The following TIAL1 variants were observed in gnomAD, a reference collection of about 807,000 sequenced individuals.
TIAL1 encodes TIA1 cytotoxic granule associated RNA binding protein like 1, also known as nucleolysin TIAR.
A neutral mutation model predicts 59.7 loss-of-function variants in TIAL1; 7 were observed. The ratio of observed to expected loss-of-function variants is 0.12; its 90% CI spans 0.07 to 0.22. TIAL1 has a LOEUF of 0.22. TIAL1 is among the 10% of genes least tolerant of loss of function. TIAL1 has a pLI of 1.00. For missense variants in TIAL1, 225 were observed against 462.5 expected, an observed-to-expected ratio of 0.49 and a Z score of 4.71; for synonymous variants, 149 against 146.3, an observed-to-expected ratio of 1.02 and a Z score of -0.13.
At chr10:119,591,177 G>A (rs1479464639) in intron 1 of TIAL1, among the ~76,000 whole-genome samples, 1 of 152,068 alleles carries the variant, frequency 6.6e-6, no homozygotes, top group African/African-American at 2.4e-5. Context: ...GCCGAGGCAG[G>A]TGGATCACTT....
At position 119,578,640 on chromosome 10, in the gene TIAL1, T is replaced by C; in HGVS notation, c.556+86A>G. The C allele has an allele frequency of 9.1e-6, 11 of 1,209,266 alleles. No individual in the cohort carries two copies. The South Asian group carries it at 1.2e-4, about 14-fold the overall frequency. 74.9% of individuals were successfully genotyped at this position (1,209,266 alleles called of 1,614,324 possible). ...AGCAAGACCCTGTCTCTTACATAAA[T>C]AAATTAGAAATTGAGACTAGATGAA... is the stretch of plus-strand genomic sequence containing the variant. On this transcript the variant is annotated intron_variant, in intron 7 of 11. Transcript: ENST00000436547.
At chr10:119,579,793 AT>A in intron 6 of TIAL1, 141 bp downstream of exon 6, 2 of 573,990 alleles carry the variant, frequency 3.5e-6, no homozygotes, top group South Asian at 5.8e-5. Flanking sequence ...ATTATACTCT[AT>A]TATTAAAACA....
intron 2 of TIAL1, among the ~76,000 whole-genome samples, chr10:119,584,791 T>C (rs1589871890): frequency 6.6e-6 from 1 of 151,888 alleles, no homozygotes; most frequent in Non-Finnish European, 1.5e-5. Flanking sequence ...ATCGTGCCAC[T>C]GCACTCCAGC....
intron 2 of TIAL1, among the ~76,000 whole-genome samples, chr10:119,583,297 C>G (rs1458055396): frequency 1.3e-5 from 2 of 152,050 alleles, no homozygotes; most frequent in Non-Finnish European, 2.9e-5. Flanking sequence ...TATTCCAAGA[C>G]AAAGCTATAA....
rs1243298164 is a variant in TIAL1, at chr10:119,575,567, T to C, written c.*98A>G. On this transcript the variant is annotated 3_prime_UTR_variant, in exon 12 of 12. Transcript: ENST00000436547. ...GTTCCAAACATTTCAATTTTTAAAATAAATATTTTCATTTTCCGATGTCTA... is the reference window on the plus strand; with the variant it reads ...GTTCCAAACATTTCAATTTTTAAAACAAATATTTTCATTTTCCGATGTCTA... 1 of 1,507,860 alleles carries C rather than the reference T, an allele frequency of 6.6e-7. No individual in the cohort carries two copies. The highest frequency in any genetic ancestry group is 9.1e-7 in the Non-Finnish European group (1 of 1,093,946). The allele number at this position is 1,507,860 out of a possible 1,614,324, so 93.4% of individuals were successfully genotyped here. A position where few individuals can be genotyped will look rare whatever the true frequency, so the allele number is the denominator to read the frequency against.
chr10:119,581,772 T>G, intron 5 of TIAL1, 150 bp downstream of exon 5: 1 of 593,766 alleles, frequency 1.7e-6, no homozygotes, highest in South Asian at 2.8e-5. Context: ...CAACATCCAC[T>G]ACTCAAAACA....
intron 1 of TIAL1, among the ~76,000 whole-genome samples, chr10:119,589,430 T>C (rs534469748): frequency 6.6e-6 from 1 of 152,264 alleles, no homozygotes; most frequent in African/African-American, 2.4e-5. Context: ...GGTCTCAAAC[T>C]CCTAACCTCA....
chr10:119,594,865 C>T (rs1430502068), intron 1 of TIAL1, among the ~76,000 whole-genome samples: 1 of 152,172 alleles, frequency 6.6e-6, no homozygotes, highest in Non-Finnish European at 1.5e-5. Flanking sequence ...CCTCGTGATC[C>T]GCCCACCTCG....
chr10:119,576,419 C>G (rs1844997190), intron 11 of TIAL1, among the ~76,000 whole-genome samples, 192 bp downstream of exon 11: 1 of 152,184 alleles, frequency 6.6e-6, no homozygotes, highest in Non-Finnish European at 1.5e-5. Flanking sequence ...CCAATCCCCC[C>G]TTTCCACCTA....
intron 1 of TIAL1, among the ~76,000 whole-genome samples, chr10:119,589,340 G>C (rs563273964): frequency 7.9e-4 from 120 of 152,218 alleles, no homozygotes; most frequent in African/African-American, 2.6e-3. Context: ...CAGGTAGCTG[G>C]GACTACAGGC....
In TIAL1 at chr10:119,588,244, C is replaced by T. The variant is rs780821761; in HGVS notation, c.37G>A (p.Val13Ile). 7 of 1,567,652 alleles carry T rather than the reference C, an allele frequency of 4.5e-6. No homozygotes were observed. Among genetic ancestry groups the T allele is most frequent in the Non-Finnish European group, 6.1e-6 (7 of 1,152,916 alleles). ...EDDGQPRTLY[V>I]GNLSRDVTEV... Reference sequence around the variant, plus strand: ...GTCACATCTCTGGAAAGGTTACCTACGTATCTGCACAAGAAAAAAATACGT... The same window carrying T: ...GTCACATCTCTGGAAAGGTTACCTATGTATCTGCACAAGAAAAAAATACGT... The change falls in exon 2 of 12, where the codon GTA becomes ATA. Residue 13 changes from valine (V) to isoleucine (I), a missense_variant. Transcript: ENST00000436547.
rs1005729909 is a variant in TIAL1, at chr10:119,574,439, T to G, written c.*1226A>C. 6.6e-6 allele frequency: 1 copy of G among 152,392 alleles called. No homozygotes were observed. Among genetic ancestry groups the G allele is most frequent in the African/African-American group, 2.4e-5 (1 of 41,436 alleles). The allele number at this position is 152,392 out of a possible 1,614,324, so 9.4% of individuals were successfully genotyped here. ...AAATAAGATGTTTTTAGCAATCTTG[T>G]TAAAAAAATTCTTGGGCAAAATATA... is the stretch of plus-strand genomic sequence containing the variant. On this transcript the variant is annotated 3_prime_UTR_variant, in exon 12 of 12. Coordinates refer to ENST00000436547, the MANE Select transcript of TIAL1 (RefSeq NM_003252.4).
intron 5 of TIAL1, chr10:119,580,774 C>A: frequency 9.1e-7 from 1 of 1,095,900 alleles, no homozygotes; most frequent in Non-Finnish European, 1.1e-6. Context: ...GAAAAAAAAT[C>A]TACAACTGAG....
In TIAL1 at chr10:119,582,089, A is replaced by G. The variant is rs201820768; in HGVS notation, c.283+80T>C. On this transcript the variant is annotated intron_variant, in intron 4 of 11. Transcript: ENST00000436547. This position sits in a 1 kb window ranked among gnomAD's most constrained non-coding sequence, Gnocchi z 5.1. ...TTTTAAGGCAACTCTAGAGGAGGAA[A>G]AAAAAACCTATTTAAGCTGGTAATG... The G allele has an allele frequency of 1.2e-4, 192 of 1,595,160 alleles. 2 individuals are homozygous for G. The East Asian group carries it at 4.2e-3, about 35-fold the overall frequency.
chr10:119,585,903 T>C (rs1237258356), intron 2 of TIAL1, among the ~76,000 whole-genome samples: 1 of 152,194 alleles, frequency 6.6e-6, no homozygotes, highest in Non-Finnish European at 1.5e-5. Context: ...CATTCTCTTC[T>C]GTCTCCTACC....
chr10:119,587,061 TATA>T (rs1302361914), intron 2 of TIAL1, among the ~76,000 whole-genome samples: 2 of 152,244 alleles, frequency 1.3e-5, no homozygotes, highest in East Asian at 3.9e-4. Context: ...GAAGGAAAAA[TATA>T]ATACACCAGA....
chr10:119,588,075 C>A, intron 2 of TIAL1, 77 bp downstream of exon 2: 1 of 833,962 alleles, frequency 1.2e-6, no homozygotes, highest in Non-Finnish European at 1.8e-6. Flanking sequence ...TAACTTGAGG[C>A]TTACAATGAA....
intron 2 of TIAL1, among the ~76,000 whole-genome samples, chr10:119,584,045 C>T (rs966300209): frequency 1.3e-5 from 2 of 152,176 alleles, no homozygotes; most frequent in Non-Finnish European, 2.9e-5. Context: ...CTGATAATCA[C>T]AGCAAAACAT....
At chr10:119,584,460 T>C (rs376115197) in intron 2 of TIAL1, among the ~76,000 whole-genome samples, 1 of 151,924 alleles carries the variant, frequency 6.6e-6, no homozygotes, top group East Asian at 1.9e-4. Context: ...GAAAAATAAA[T>C]AGCTGCTAGA....
Sources: gnomAD v4.1 joint callset for allele counts (sites outside exome capture counted in the v4.1 genomes callset) on GRCh38, gnomAD v4.1.1 for gene constraint, Gnocchi (gnomAD v3.1) non-coding constraint, MANE v1.5 for transcripts, NCBI Gene and HGNC (gene_info 2026-07-23, HGNC 2026-07-21) for gene names.